The following LZTFL1 variants were observed in gnomAD, a reference collection of about 807,000 sequenced individuals.
LZTFL1 encodes the protein leucine zipper transcription factor like 1, also known as leucine zipper transcription factor-like protein 1.
Under a neutral mutation model 45.9 loss-of-function variants are expected in LZTFL1, and 25 were observed. The ratio of observed to expected loss-of-function variants is 0.54; its 90% confidence interval spans 0.40 to 0.76. LZTFL1 has a LOEUF of 0.76. LZTFL1 is among the 30% of genes least tolerant of loss of function. LZTFL1 has a pLI of 0.00. For missense variants in LZTFL1, 277 were observed against 331.1 expected, an observed-to-expected ratio of 0.84 and a Z score of 1.27; for synonymous variants, 93 against 117.4, an observed-to-expected ratio of 0.79 and a Z score of 1.35.
upstream of LZTFL1, among the ~76,000 whole-genome samples, chr3:45,842,912 C>T (rs912054938): frequency 5.9e-5 from 9 of 152,106 alleles, no homozygotes; most frequent in Non-Finnish European, 1.3e-4. Context: ...AGGATGAGAT[C>T]GATTATTGCA....
At chr3:45,883,883 A>G in intron 2 of LZTFL1, 1 of 520,048 alleles carries the variant, frequency 1.9e-6, no homozygotes, top group Non-Finnish European at 3.6e-6. Context: ...AAGCAGGCCC[A>G]GGAGCAAAAC....
At chr3:45,879,424 TG>T (rs1169511018) in intron 2 of LZTFL1, among the ~76,000 whole-genome samples, 4 of 152,208 alleles carry the variant, frequency 2.6e-5, no homozygotes, top group South Asian at 2.1e-4. Context: ...GGCTATATAC[TG>T]TATGATTCCA....
At chr3:45,830,196 A>G (rs1374624750) in intron 7 of LZTFL1, among the ~76,000 whole-genome samples, 1 of 152,252 alleles carries the variant, frequency 6.6e-6, no homozygotes, top group East Asian at 1.9e-4. Context: ...GACATTTGCA[A>G]TGAGAGTATG....
intron 2 of LZTFL1, among the ~76,000 whole-genome samples, chr3:45,894,702 T>C (rs552457935): frequency 6.6e-6 from 1 of 152,216 alleles, no homozygotes; most frequent in East Asian, 1.9e-4. Flanking sequence ...GAATGATAAC[T>C]TCAAAGGAGA....
chr3:45,834,770 A>C (rs1332996296), intron 3 of LZTFL1: 1 of 153,798 alleles, frequency 6.5e-6, no homozygotes, highest in Non-Finnish European at 1.4e-5. Flanking sequence ...GGGGTGTGCC[A>C]TCTGAAGATT....
chr3:45,860,730 G>A (rs1025559092), intron 2 of LZTFL1, among the ~76,000 whole-genome samples: 1 of 152,174 alleles, frequency 6.6e-6, no homozygotes, highest in Non-Finnish European at 1.5e-5. Context: ...GGCTCCGGGT[G>A]GAGCTTTGGA....
chr3:45,905,034 A>G (rs1702653017), intron 2 of LZTFL1, among the ~76,000 whole-genome samples: 1 of 152,190 alleles, frequency 6.6e-6, no homozygotes, highest in Admixed American at 6.5e-5. Flanking sequence ...AGGTCTGTTC[A>G]GGGGCTCCCC....
intron 1 of LZTFL1, chr3:45,915,357 AC>A: frequency 2.8e-6 from 1 of 362,804 alleles, no homozygotes; most frequent in Admixed American, 3.4e-5. Context: ...CCTCCGCCCC[AC>A]CCTTCTCCCT....
chr3:45,834,354 C>A lies in LZTFL1; in HGVS notation c.324-56G>T. 4.2e-6 allele frequency: 5 copies of A among 1,183,478 alleles called. No homozygotes were observed. In the Admixed American group the frequency reaches 7.9e-5, roughly 19 times the overall value. 73.3% of individuals were successfully genotyped at this position (1,183,478 alleles called of 1,614,324 possible). ...TCATTTAAAATAGATTTATATCACACGCAAGAAGAGTAAAATCACTGGTAC... is the reference window on the plus strand; with the variant it reads ...TCATTTAAAATAGATTTATATCACAAGCAAGAAGAGTAAAATCACTGGTAC... On this transcript the variant is annotated intron_variant, in intron 3 of 9. Coordinates refer to ENST00000296135, the MANE Select transcript of LZTFL1 (RefSeq NM_020347.4).
At chr3:45,902,698 C>G (rs1287100186) in intron 2 of LZTFL1, 1 of 167,098 alleles carries the variant, frequency 6.0e-6, no homozygotes, top group Non-Finnish European at 1.5e-5. Context: ...TTCGCAGGAG[C>G]CAGCCTTGGC....
At chr3:45,861,519 T>C (rs550610235) in intron 2 of LZTFL1, among the ~76,000 whole-genome samples, 55 of 152,248 alleles carry the variant, frequency 3.6e-4, no homozygotes, top group African/African-American at 1.3e-3. Flanking sequence ...GGTGGGGGAA[T>C]GTTTAAAAGA....
At chr3:45,848,682 A>G (rs535904370) in intron 4 of LZTFL1, among the ~76,000 whole-genome samples, 1 of 152,320 alleles carries the variant, frequency 6.6e-6, no homozygotes, top group African/African-American at 2.4e-5. Flanking sequence ...ATGATTTAAT[A>G]CTGCATCTTT....
rs183158914 is a variant in LZTFL1, at chr3:45,867,196, T to C, written c.-214-8180A>G. On this transcript the variant is annotated intron_variant, in intron 2 of 4. Transcript: ENST00000472635. ...ACCCAAAAGATAGTTACATTTTTCA[T>C]CTTTTAAATTAATTTGTTAATTGCC... is the stretch of plus-strand genomic sequence containing the variant. Among the ~76,000 whole-genome samples the C allele has an allele frequency of 2.4e-3, 365 of 150,524 alleles. 3 individuals carry two copies. Among genetic ancestry groups the C allele is most frequent in the African/African-American group, 8.6e-3 (353 of 40,864 alleles).
Position 45,901,497 on chromosome 3 carries a change from A to T in LZTFL1, c.-215+11623T>A. Reference sequence around the variant, plus strand: ...GGTCATGGCTTGCTGCTATACCATCATCATTCACACCCTGATACAAGCCAA... The same window carrying T: ...GGTCATGGCTTGCTGCTATACCATCTTCATTCACACCCTGATACAAGCCAA... On this transcript the variant is annotated intron_variant, in intron 2 of 4. Transcript: ENST00000472635. The surrounding 1 kb of genome is among the most constrained non-coding windows in gnomAD (Gnocchi z 4.3). The T allele has an allele frequency of 6.2e-7, 1 of 1,614,120 alleles. No individual in the cohort carries two copies. Among genetic ancestry groups the T allele is most frequent in the Non-Finnish European group, 8.5e-7 (1 of 1,180,002 alleles).
At chr3:45,896,597 T>C (rs1488371) in intron 2 of LZTFL1, among the ~76,000 whole-genome samples, 4 of 151,996 alleles carry the variant, frequency 2.6e-5, no homozygotes, top group Non-Finnish European at 4.4e-5. Flanking sequence ...TTTGGAGGAA[T>C]AGCCCTTGAG....
At chr3:45,834,751 C>T (rs531373730) in intron 3 of LZTFL1, 1 of 154,434 alleles carries the variant, frequency 6.5e-6, no homozygotes, top group Non-Finnish European at 1.4e-5. Flanking sequence ...CTAGGAAAGA[C>T]AGATAGTGGG....
intron 2 of LZTFL1, among the ~76,000 whole-genome samples, chr3:45,876,815 T>C (rs1364430999): frequency 6.6e-6 from 1 of 152,180 alleles, no homozygotes; most frequent in African/African-American, 2.4e-5. Flanking sequence ...ATTTGGTAGA[T>C]GGTAGAAACC....
chr3:45,840,374 A>G (rs1701076633), intron 1 of LZTFL1, among the ~76,000 whole-genome samples: 1 of 152,206 alleles, frequency 6.6e-6, no homozygotes, highest in Non-Finnish European at 1.5e-5. Flanking sequence ...GAGGAAATGG[A>G]ATAGGTAGAT....
At chr3:45,889,490 CTTT>C (rs980929361) in intron 2 of LZTFL1, among the ~76,000 whole-genome samples, 1 of 148,674 alleles carries the variant, frequency 6.7e-6, no homozygotes, top group African/African-American at 2.5e-5. Flanking sequence ...GCTTCTTCTT[CTTT>C]TTTTTTTAAA....
Sources: gnomAD v4.1 joint callset for allele counts (sites outside exome capture counted in the v4.1 genomes callset) on GRCh38, gnomAD v4.1.1 for gene constraint, Gnocchi (gnomAD v3.1) non-coding constraint, MANE v1.5 for transcripts, NCBI Gene and HGNC (gene_info 2026-07-23, HGNC 2026-07-21) for gene names.